The following GTPBP1 variants were observed in gnomAD, a reference collection of about 807,000 sequenced individuals.
GTPBP1 encodes the protein GTP-binding protein 1.
A neutral mutation model predicts 62.0 loss-of-function variants in GTPBP1; 23 were observed. The observed-to-expected ratio is 0.37, with a 90% CI of 0.27 to 0.53. The LOEUF (loss-of-function observed/expected upper bound fraction) is 0.53, where lower values mean the gene tolerates loss of function less well. GTPBP1 is among the 20% of genes least tolerant of loss of function. The pLI is 0.89. For synonymous variants in GTPBP1, 344 were observed against 364.4 expected, an observed-to-expected ratio of 0.94 and a Z score of 0.64; for missense variants, 640 against 917.3, an observed-to-expected ratio of 0.70 and a Z score of 3.90.
chr22:38,738,507 A>C (rs1301863067), downstream of GTPBP1: 7 of 1,545,676 alleles, frequency 4.5e-6, no homozygotes, highest in Non-Finnish European at 6.2e-6. The surrounding 1 kb of genome is among the most constrained non-coding windows in gnomAD (Gnocchi z 6.6). Context: ...TCCAAGGGTG[A>C]CCCTGACTTG....
chr22:38,719,548 A>G (rs1176750682), intron 4 of GTPBP1, among the ~76,000 whole-genome samples: 1 of 150,738 alleles, frequency 6.6e-6, no homozygotes, highest in Non-Finnish European at 1.5e-5. Flanking sequence ...TGAAGTAATC[A>G]TCCCACCTTG....
rs370564419 is a variant in GTPBP1, at chr22:38,729,645, A to G, written c.1900A>G (p.Ser634Gly). ...SVGAGQPAAS[S>G]NLQPQPKPSS... The stretch of plus-strand genomic sequence containing the variant: ...AGGGGCAGGGCAACCAGCTGCGTCC[A>G]GCAATCTCCAGCCTCAGGTGAGCAC... Residue 634 changes from serine (S) to glycine (G), a missense_variant, in exon 11 of 12, where the codon AGC becomes GGC. Ser to Gly is a moderately conservative substitution (Grantham distance 56). Transcript: ENST00000216044. The G allele has an allele frequency of 6.7e-7, 1 of 1,503,330 alleles. No homozygotes were observed. Among genetic ancestry groups the G allele is most frequent in the Non-Finnish European group, 8.9e-7 (1 of 1,127,228 alleles). The allele number at this position is 1,503,330 out of a possible 1,614,324, so 93.1% of individuals were successfully genotyped here. A position where few individuals can be genotyped will look rare whatever the true frequency, so the allele number is the denominator to read the frequency against.
intron 6 of GTPBP1, 184 bp from the exon 7 acceptor site, chr22:38,725,822 G>C (rs1227738479): frequency 1.6e-6 from 1 of 622,654 alleles, no homozygotes; most frequent in Non-Finnish European, 2.9e-6. Context: ...AGTAGGGCTG[G>C]CCAGGAGCTT....
rs1464583532 is a variant in GTPBP1, at chr22:38,733,042, A to G, written c.*2338A>G. The G allele has an allele frequency of 6.6e-6, 1 of 152,302 alleles. No homozygotes were observed. The highest frequency in any genetic ancestry group is 1.9e-4 in the East Asian group (1 of 5,190). The allele number at this position is 152,302 out of a possible 1,614,324, so 9.4% of individuals were successfully genotyped here. ...AACTGAAGCTCAGAGAGGTGTCACC[A>G]GCAGGTGTTCATTCCCATGCCAGCC... On this transcript the variant is annotated 3_prime_UTR_variant, in exon 12 of 12. Coordinates refer to ENST00000216044, the MANE Select transcript of GTPBP1 (RefSeq NM_004286.5).
In GTPBP1 at chr22:38,722,980, C is replaced by T. The variant is rs2092708681; in HGVS notation, c.958+1115C>T. 3 of 851,570 alleles carry T rather than the reference C, an allele frequency of 3.5e-6. No individual in the cohort carries two copies. In the South Asian group the frequency reaches 4.0e-5, roughly 11 times the overall value. The allele number at this position is 851,570 out of a possible 1,614,324, so 52.8% of individuals were successfully genotyped here. A position where few individuals can be genotyped will look rare whatever the true frequency, so the allele number is the denominator to read the frequency against. On this transcript the variant is annotated intron_variant, in intron 5 of 11. Transcript: ENST00000216044. ...AGACCTCTTAGTGCAAGACCAGAAC[C>T]TTCTAACAGCACACCGTAGTCTCAG... is the stretch of plus-strand genomic sequence containing the variant.
chr22:38,728,098 G>T lies in GTPBP1; in HGVS notation c.1653G>T (p.Leu551=), dbSNP rs756779726. The change falls in exon 10 of 12, where the codon CTG becomes CTT. Residue 551 remains leucine (L), a synonymous_variant. Coordinates refer to ENST00000216044, the MANE Select transcript of GTPBP1 (RefSeq NM_004286.5). ...GCTTCATCAAGACCCCTGAGTACCTGCACATAGACCAGCGGCTGGTGTTCC... is the reference window on the plus strand; with the variant it reads ...GCTTCATCAAGACCCCTGAGTACCTTCACATAGACCAGCGGCTGGTGTTCC... ...HFRFIKTPEY[L]HIDQRLVFRE... 6.2e-7 allele frequency: 1 copy of T among 1,613,612 alleles called. No homozygotes were observed. Among genetic ancestry groups the T allele is most frequent in the Non-Finnish European group, 8.5e-7 (1 of 1,179,526 alleles).
At chr22:38,742,160 A>AT, downstream of GTPBP1, 3 of 1,096,704 alleles carry the variant, frequency 2.7e-6, no homozygotes, top group African/African-American at 1.6e-5. Context: ...AAAAAAAAAA[A>AT]GAAAAAAAGA....
chr22:38,739,338 G>C (rs367645117), downstream of GTPBP1: 5 of 1,612,796 alleles, frequency 3.1e-6, no homozygotes, highest in Admixed American at 1.7e-5. This position sits in a 1 kb window ranked among gnomAD's most constrained non-coding sequence, Gnocchi z 6.7. Context: ...AGCAGAGCAC[G>C]TACCTCCTGA....
At chr22:38,718,373 C>T (rs1034140645) in intron 4 of GTPBP1, among the ~76,000 whole-genome samples, 8 of 152,186 alleles carry the variant, frequency 5.3e-5, no homozygotes, top group African/African-American at 1.9e-4. Flanking sequence ...TATATATTAT[C>T]TGACTTTTTG....
chr22:38,738,028 T>G, downstream of GTPBP1: 1 of 775,876 alleles, frequency 1.3e-6, no homozygotes. The surrounding 1 kb of genome is among the most constrained non-coding windows in gnomAD (Gnocchi z 6.6). Flanking sequence ...TACACCCCAT[T>G]TGGATATCAC....
downstream of GTPBP1, among the ~76,000 whole-genome samples, chr22:38,737,240 C>A (rs2092813638): frequency 6.6e-6 from 1 of 152,150 alleles, no homozygotes; most frequent in South Asian, 2.1e-4. The surrounding 1 kb of genome is among the most constrained non-coding windows in gnomAD (Gnocchi z 4.1). Flanking sequence ...GCTCCCCCGA[C>A]AGCTCCACTG....
downstream of GTPBP1, chr22:38,737,844 G>A (rs945628883): frequency 5.3e-5 from 28 of 530,598 alleles, no homozygotes; most frequent in South Asian, 1.4e-4. The surrounding 1 kb of genome is among the most constrained non-coding windows in gnomAD (Gnocchi z 4.1). Flanking sequence ...GAATGCCCGC[G>A]CCCTGGCATG....
downstream of GTPBP1, among the ~76,000 whole-genome samples, chr22:38,733,784 G>T (rs1385723350): frequency 1.3e-5 from 2 of 152,202 alleles, no homozygotes; most frequent in East Asian, 1.9e-4. Flanking sequence ...AGGTTTAGTT[G>T]GGTTGGGGGA....
downstream of GTPBP1, chr22:38,741,587 G>A: frequency 6.2e-7 from 1 of 1,613,078 alleles, no homozygotes; most frequent in Non-Finnish European, 8.5e-7. Context: ...AGACGGGAGT[G>A]AGAGGACAGG....
rs1008740114 is a variant in GTPBP1, at chr22:38,730,894, C to G, written c.*190C>G. Reference sequence around the variant, plus strand: ...TAAGCTGACGAAGGTAGCCAGACTTCCGGAGGACTGACCATCTCTCACTGT... The same window carrying G: ...TAAGCTGACGAAGGTAGCCAGACTTGCGGAGGACTGACCATCTCTCACTGT... On this transcript the variant is annotated 3_prime_UTR_variant, in exon 12 of 12. Transcript: ENST00000216044. The surrounding 1 kb of genome is among the most constrained non-coding windows in gnomAD (Gnocchi z 5.6). 1 of 558,392 alleles carries G rather than the reference C, an allele frequency of 1.8e-6. No homozygotes were observed. The highest frequency in any genetic ancestry group is 1.9e-5 in the African/African-American group (1 of 51,404). The allele number at this position is 558,392 out of a possible 1,614,324, so 34.6% of individuals were successfully genotyped here.
rs367588109 is a variant in GTPBP1 at position 38,730,696 on chromosome 22, G to A, written c.2002G>A (p.Gly668Ser). The change falls in exon 12 of 12, where the codon GGC (glycine) becomes AGC (serine). Residue 668 changes from glycine to serine, a missense_variant. By Grantham distance (56) the Gly-to-Ser change is moderately conservative. Coordinates refer to ENST00000216044, the MANE Select transcript of GTPBP1 (RefSeq NM_004286.5). This position sits in a 1 kb window ranked among gnomAD's most constrained non-coding sequence, Gnocchi z 5.6. ...SQGACVTPAS[G>S]C ...GGGGGCCTGTGTGACTCCTGCCAGC[G>A]GCTGCTGAACCTTCCCCTGGCCCAC... The A allele has an allele frequency of 1.1e-4, 174 of 1,586,874 alleles. No individual in the cohort carries two copies. The highest frequency in any genetic ancestry group is 3.3e-4 in the Middle Eastern group (2 of 5,996).
chr22:38,737,931 C>T (rs1424352669), downstream of GTPBP1: 1 of 681,098 alleles, frequency 1.5e-6, no homozygotes, highest in East Asian at 3.0e-5. The surrounding 1 kb of genome is among the most constrained non-coding windows in gnomAD (Gnocchi z 4.1). Flanking sequence ...TAAAGCCCAC[C>T]TCCTGGTGTC....
intron 4 of GTPBP1, among the ~76,000 whole-genome samples, chr22:38,721,358 G>T (rs1274710480): frequency 1.3e-5 from 2 of 152,140 alleles, no homozygotes; most frequent in Non-Finnish European, 2.9e-5. Flanking sequence ...GGTTACAGGA[G>T]TGAGCCACCG....
Position 38,730,966 on chromosome 22 carries a change from C to G in GTPBP1, c.*262C>G, listed in dbSNP as rs2092755443. ...TCACACATTTTTTGTACATCTGGGCCCTTAGTTTTTATTCTGTTTATTATA... is the reference window on the plus strand; with the variant it reads ...TCACACATTTTTTGTACATCTGGGCGCTTAGTTTTTATTCTGTTTATTATA... On this transcript the variant is annotated 3_prime_UTR_variant, in exon 12 of 12. Coordinates refer to ENST00000216044, the MANE Select transcript of GTPBP1 (RefSeq NM_004286.5). This position sits in a 1 kb window ranked among gnomAD's most constrained non-coding sequence, Gnocchi z 5.6. 2.1e-6 allele frequency: 1 copy of G among 481,470 alleles called. No homozygotes were observed. The highest frequency in any genetic ancestry group is 3.8e-5 in the Admixed American group (1 of 26,012). 29.8% of individuals were successfully genotyped at this position (481,470 alleles called of 1,614,324 possible). A position where few individuals can be genotyped will look rare whatever the true frequency, so the allele number is the denominator to read the frequency against.
Sources: gnomAD v4.1 joint callset for allele counts (sites outside exome capture counted in the v4.1 genomes callset) on GRCh38, gnomAD v4.1.1 for gene constraint, Gnocchi (gnomAD v3.1) non-coding constraint, MANE v1.5 for transcripts, NCBI Gene and HGNC (gene_info 2026-07-23, HGNC 2026-07-21) for gene names.